Variants in RBM41 observed in about 807,000 individuals in gnomAD.
The protein encoded by RBM41 is RNA binding motif protein 41.
In RBM41, 14 loss-of-function variants were observed where a neutral mutation model predicts 30.8. The ratio of observed to expected loss-of-function variants is 0.45; its 90% confidence interval spans 0.30 to 0.71. The LOEUF (loss-of-function observed/expected upper bound fraction) is 0.71. RBM41 is among the 30% of genes least tolerant of loss of function. RBM41 has a pLI of 0.08. For synonymous variants in RBM41, 120 were observed against 110.1 expected (o/e 1.09, Z -0.56); for missense variants, 276 against 326.3 (o/e 0.85, Z 1.19).
intron 6 of RBM41, among the ~76,000 whole-genome samples, chrX:107,081,097 C>T (rs912344358): frequency 7.2e-5 from 8 of 111,744 alleles, no homozygotes; most frequent in African/African-American, 2.6e-4. Flanking sequence ...CATCATCAAA[C>T]ACAAGGTCAC....
At chrX:107,115,707 C>A (rs1342967792) in intron 3 of RBM41, 151 bp from the exon 4 acceptor site, 2 of 877,635 alleles carry the variant, frequency 2.3e-6, no homozygotes, top group East Asian at 6.3e-5. Context: ...TTCTCTTTTA[C>A]CAATGTCTGC....
At chrX:107,081,377 T>C (rs1026518324) in intron 6 of RBM41, among the ~76,000 whole-genome samples, 1 of 111,829 alleles carries the variant, frequency 8.9e-6, no homozygotes, top group African/African-American at 3.2e-5. Flanking sequence ...CATTGATCTG[T>C]ATGTCTTCTT....
rs1026954867 is a variant in RBM41, at chrX:107,065,798, C to T, written c.*1729G>A. 3 of 1,123,987 alleles carry T rather than the reference C, an allele frequency of 2.7e-6. No individual in the cohort carries two copies. The Admixed American group carries it at 8.9e-5, about 33-fold the overall frequency. 92.6% of individuals were successfully genotyped at this position (1,123,987 alleles called of 1,213,427 possible). Reference sequence around the variant, plus strand: ...TATATTATATTTTATACGTTATAGGCCAAACGATGCAACTATATACATATT... The same window carrying T: ...TATATTATATTTTATACGTTATAGGTCAAACGATGCAACTATATACATATT... On this transcript the variant is annotated 3_prime_UTR_variant, in exon 8 of 8. Transcript: ENST00000685964.
chrX:107,059,378 A>G (rs1316805455), downstream of RBM41, among the ~76,000 whole-genome samples: 1 of 110,951 alleles, frequency 9.0e-6, no homozygotes, highest in Non-Finnish European at 1.9e-5. Flanking sequence ...ATCAGGATAA[A>G]TAGCTAATGC....
chrX:107,080,816 T>C lies in RBM41; in HGVS notation c.999+7620A>G, dbSNP rs1921451667. ...TTCGTATGCTTATTTGCCATGTATATATCTTCTGTGGTGACGTGTTTGTTC... is the reference window on the plus strand; with the variant it reads ...TTCGTATGCTTATTTGCCATGTATACATCTTCTGTGGTGACGTGTTTGTTC... On this transcript the variant is annotated intron_variant, in intron 6 of 7. Transcript: ENST00000685964. Among the ~76,000 whole-genome samples, 3 of 111,800 alleles carry C rather than the reference T, an allele frequency of 2.7e-5. No individual in the cohort carries two copies. The Admixed American group carries it at 2.8e-4, about 11-fold the overall frequency.
intron 5 of RBM41, among the ~76,000 whole-genome samples, chrX:107,092,810 C>T (rs1922659211): frequency 9.0e-6 from 1 of 111,624 alleles, no homozygotes; most frequent in Non-Finnish European, 1.9e-5. Flanking sequence ...ACATCATCTA[C>T]TAATGTTGAA....
At chrX:107,112,792 T>C in intron 5 of RBM41, 1 of 321,382 alleles carries the variant, frequency 3.1e-6, no homozygotes, top group Non-Finnish European at 6.0e-6. Flanking sequence ...AGGTTACATG[T>C]TGTGTGATTC....
At chrX:107,080,926 T>C in intron 6 of RBM41, among the ~76,000 whole-genome samples, 1 of 112,124 alleles carries the variant, frequency 8.9e-6, no homozygotes, top group Non-Finnish European at 1.9e-5. Flanking sequence ...ACAAGTTTTT[T>C]ATTAGACGTG....
Position 107,100,958 on chromosome X carries a change from C to T in RBM41, c.596-12119G>A, listed in dbSNP as rs758662659. 7.2e-5 allele frequency among the ~76,000 whole-genome samples: 8 copies of T among 111,820 alleles called. No homozygotes were observed. The South Asian group carries it at 1.9e-3, about 26-fold the overall frequency. On this transcript the variant is annotated intron_variant, in intron 5 of 7. Coordinates refer to ENST00000685964, the MANE Select transcript of RBM41 (RefSeq NM_001324242.2). ...CTATGGCTACACATAGCAATATGTA[C>T]GAATATCTCAAATATAATTGCCAGA... is the stretch of plus-strand genomic sequence containing the variant.
chrX:107,099,575 C>A (rs1232401242), intron 5 of RBM41, among the ~76,000 whole-genome samples: 1 of 111,082 alleles, frequency 9.0e-6, no homozygotes, highest in Admixed American at 9.6e-5. Flanking sequence ...GTCCAAATGG[C>A]CAGTCAATGT....
chrX:107,103,584 T>C (rs932360458), intron 5 of RBM41, among the ~76,000 whole-genome samples: 11 of 111,782 alleles, frequency 9.8e-5, no homozygotes, highest in Non-Finnish European at 1.9e-4. Context: ...CCACCAGATT[T>C]ATAATAATTT....
chrX:107,092,599 AATAAAT>A (rs1922643196), intron 5 of RBM41, among the ~76,000 whole-genome samples: 1 of 111,403 alleles, frequency 9.0e-6, no homozygotes, highest in Non-Finnish European at 1.9e-5. Context: ...AAAATAATAA[AATAAAT>A]ATATACAAAA....
intron 5 of RBM41, among the ~76,000 whole-genome samples, chrX:107,102,933 A>G (rs1470165645): frequency 9.0e-6 from 1 of 111,543 alleles, no homozygotes; most frequent in Non-Finnish European, 1.9e-5. Flanking sequence ...TTGGAAGCAG[A>G]TAACTTGTTT....
At chrX:107,055,515 AG>A in the RBM41 span, among the ~76,000 whole-genome samples, 2 of 111,476 alleles carry the variant, frequency 1.8e-5, no homozygotes, top group African/African-American at 6.5e-5. Flanking sequence ...TAGTAAAGAC[AG>A]GGTTTCATCG....
chrX:107,091,361 G>A (rs1922527111), intron 5 of RBM41, among the ~76,000 whole-genome samples: 1 of 111,620 alleles, frequency 9.0e-6, no homozygotes, highest in Admixed American at 9.5e-5. Context: ...TTAGAATATG[G>A]GTCCCATTGG....
chrX:107,089,966 C>T (rs1482886168), intron 5 of RBM41, among the ~76,000 whole-genome samples: 1 of 112,241 alleles, frequency 8.9e-6, no homozygotes, highest in Non-Finnish European at 1.9e-5. Context: ...AATGAACTTA[C>T]CATCATCAAC....
chrX:107,101,753 C>T (rs1006121995), intron 5 of RBM41, among the ~76,000 whole-genome samples: 7 of 112,198 alleles, frequency 6.2e-5, no homozygotes, highest in African/African-American at 2.3e-4. Context: ...CTTCCCAGTA[C>T]CAAAGTCTGT....
intron 1 of RBM41, 88 bp downstream of exon 1, chrX:107,118,678 C>T: frequency 8.7e-7 from 1 of 1,147,469 alleles, no homozygotes; most frequent in Non-Finnish European, 1.2e-6. Flanking sequence ...ACGTGCAATA[C>T]CCAAACCAGA....
In RBM41 at chrX:107,116,774, A is replaced by C; in HGVS notation, c.9-8T>G. On this transcript the variant is annotated splice_polypyrimidine_tract_variant and splice_region_variant and intron_variant, in intron 1 of 7. Transcript: ENST00000685964. ...TTCACACAGCTGTTTACCCTGGAGT[A>C]GACATAAGAATATATACAGAAAACG... is the stretch of plus-strand genomic sequence containing the variant. 1.7e-6 allele frequency: 2 copies of C among 1,199,933 alleles called. No individual in the cohort carries two copies. Among genetic ancestry groups the C allele is most frequent in the Non-Finnish European group, 2.3e-6 (2 of 887,741 alleles).
Sources: allele counts gnomAD v4.1 joint callset (sites outside exome capture counted in the v4.1 genomes callset), GRCh38; gene constraint gnomAD v4.1.1; transcripts MANE v1.5; gene names NCBI Gene and HGNC (gene_info 2026-07-23, HGNC 2026-07-21).